The following ADAMTS19 variants were observed in gnomAD, a reference collection of about 807,000 sequenced individuals.
ADAMTS19 encodes the protein A disintegrin and metalloproteinase with thrombospondin motifs 19.
Under a neutral mutation model 153.3 loss-of-function variants are expected in ADAMTS19, and 93 were observed. The ratio of observed to expected loss-of-function variants is 0.61; its 90% CI spans 0.51 to 0.72. ADAMTS19 has a LOEUF of 0.72. Ranked by LOEUF, ADAMTS19 falls within the 30% of genes least tolerant of loss-of-function variation. ADAMTS19 has a pLI of 0.00. For synonymous variants in ADAMTS19, 600 were observed against 556.6 expected (o/e 1.08, Z -1.10); for missense variants, 1,482 against 1,552.1 (o/e 0.95, Z 0.76).
intron 19 of ADAMTS19, among the ~76,000 whole-genome samples, chr5:129,695,681 G>T (rs1284008780): frequency 6.6e-6 from 1 of 152,166 alleles, no homozygotes; most frequent in Non-Finnish European, 1.5e-5. Flanking sequence ...CTCAGCCCTG[G>T]TGTCCAAAAT....
chr5:129,615,225 C>T (rs1467883879), intron 8 of ADAMTS19, among the ~76,000 whole-genome samples: 1 of 151,964 alleles, frequency 6.6e-6, no homozygotes, highest in Admixed American at 6.6e-5. Flanking sequence ...GCCCACATTG[C>T]CAAGACAACC....
chr5:129,637,607 G>A (rs1752588963), intron 10 of ADAMTS19, among the ~76,000 whole-genome samples: 1 of 152,126 alleles, frequency 6.6e-6, no homozygotes, highest in Non-Finnish European at 1.5e-5. Context: ...CACTTTAGGA[G>A]GCCGATGCGG....
At chr5:129,477,122 G>A (rs1178714715) in intron 2 of ADAMTS19, among the ~76,000 whole-genome samples, 1 of 152,028 alleles carries the variant, frequency 6.6e-6, no homozygotes, top group East Asian at 1.9e-4. Flanking sequence ...TTGACTGTAG[G>A]TGAAGATTAA....
At chr5:129,505,609 C>T (rs1276003740) in intron 2 of ADAMTS19, among the ~76,000 whole-genome samples, 2 of 151,724 alleles carry the variant, frequency 1.3e-5, no homozygotes, top group South Asian at 2.1e-4. Flanking sequence ...TAAAAAGCAC[C>T]GAGCCACATA....
chr5:129,573,686 A>G (rs571431792), intron 7 of ADAMTS19, among the ~76,000 whole-genome samples: 2 of 152,208 alleles, frequency 1.3e-5, no homozygotes, highest in Admixed American at 1.3e-4. Context: ...GCCAAAACCT[A>G]AATTGGACAC....
rs1268682863 is a variant in ADAMTS19 at position 129,461,367 on chromosome 5, G to A, written c.357G>A (p.Glu119=). 6 of 1,346,694 alleles carry A rather than the reference G, an allele frequency of 4.5e-6. No homozygotes were observed. The highest frequency in any genetic ancestry group is 3.1e-5 in the African/African-American group (2 of 64,872). 83.4% of individuals were successfully genotyped at this position (1,346,694 alleles called of 1,614,324 possible). The change falls in exon 2 of 23, where the codon GAG becomes GAA. Residue 119 remains glutamate (E), a synonymous_variant. Coordinates refer to ENST00000274487, the MANE Select transcript of ADAMTS19 (RefSeq NM_133638.6). The surrounding 1 kb of genome is among the most constrained non-coding windows in gnomAD (Gnocchi z 4.6). Reference sequence around the variant, plus strand: ...CCCCGCCGCCGTCGGAGGGTGAGGAGGACGAGGAGCTCGAGTCGCAGGAGC... The same window carrying A: ...CCCCGCCGCCGTCGGAGGGTGAGGAAGACGAGGAGCTCGAGTCGCAGGAGC... The part of the protein sequence containing the change: ...LRPPPPSEGE[E]DEELESQELP...
intron 22 of ADAMTS19, among the ~76,000 whole-genome samples, chr5:129,736,171 G>A (rs62400986): frequency 1.3e-5 from 2 of 151,952 alleles, no homozygotes; most frequent in Non-Finnish European, 2.9e-5. Flanking sequence ...TTCAATAGCA[G>A]TATAATTCCT....
intron 11 of ADAMTS19, among the ~76,000 whole-genome samples, chr5:129,645,375 T>C (rs1753015720): frequency 1.3e-5 from 2 of 152,164 alleles, no homozygotes; most frequent in African/African-American, 4.8e-5. Flanking sequence ...TGTATAATAG[T>C]TTAAACAAAA....
At chr5:129,582,485 T>A (rs1749563293) in intron 7 of ADAMTS19, among the ~76,000 whole-genome samples, 1 of 152,110 alleles carries the variant, frequency 6.6e-6, no homozygotes, top group South Asian at 2.1e-4. Context: ...CCTATGTGTG[T>A]CTTTGCATGT....
rs1202434224 is a variant in ADAMTS19, at chr5:129,578,079, CAT to C, written c.1373-18474_1373-18473del. 8.0e-4 allele frequency among the ~76,000 whole-genome samples: 71 copies of C among 88,486 alleles called. 5 individuals are homozygous for C. The highest frequency in any genetic ancestry group is 5.3e-3 in the Admixed American group (44 of 8,276). The allele number at this position is 88,486 out of a possible 152,430, so 58.1% of individuals were successfully genotyped here. ...ACACACACACACACACACACACACA[CAT>C]ATATACATATACATACATATACATA... On this transcript the variant is annotated intron_variant, in intron 7 of 22. Transcript: ENST00000274487.
At position 129,610,764 on chromosome 5, in the gene ADAMTS19, C is replaced by G. The variant is rs189773606; in HGVS notation, c.1479-9854C>G. The stretch of plus-strand genomic sequence containing the variant: ...GCAATAAACATACGTGTGCATGTGT[C>G]TTTATAGCAGCATGATTTATAATCC... On this transcript the variant is annotated intron_variant, in intron 8 of 22. Transcript: ENST00000274487. 2.2e-3 allele frequency among the ~76,000 whole-genome samples: 335 copies of G among 152,226 alleles called. 2 individuals carry two copies. The highest frequency in any genetic ancestry group is 5.6e-3 in the Admixed American group (86 of 15,284).
At chr5:129,702,934 AAAAAAAAATATATAT>A (rs55881643) in intron 20 of ADAMTS19, among the ~76,000 whole-genome samples, 67,217 of 122,832 alleles carry the variant, frequency 0.55, 19,080 homozygotes, top group Non-Finnish European at 0.62. Flanking sequence ...CTTGCCAAAA[AAAAAAAAATATATAT>A]ATATATATAT....
chr5:129,593,113 A>C (rs1339473975), intron 7 of ADAMTS19, among the ~76,000 whole-genome samples: 1 of 152,068 alleles, frequency 6.6e-6, no homozygotes, highest in Non-Finnish European at 1.5e-5. Context: ...CCCCTGTATC[A>C]TAGGGCTGGA....
At chr5:129,703,506 G>A (rs909657372) in intron 20 of ADAMTS19, among the ~76,000 whole-genome samples, 1 of 152,176 alleles carries the variant, frequency 6.6e-6, no homozygotes, top group East Asian at 1.9e-4. Context: ...GCCAAGGTGG[G>A]TGGACCACTT....
rs539645734 is a variant in ADAMTS19 at position 129,646,342 on chromosome 5, T to C, written c.1873-1423T>C. 7.9e-5 allele frequency among the ~76,000 whole-genome samples: 12 copies of C among 152,304 alleles called. No individual in the cohort carries two copies. The South Asian group carries it at 2.1e-3, about 26-fold the overall frequency. ...GAATCTAAAAGAGGTTGAATTTAAA[T>C]GTTGACATTATTAGAGAAAATCTAC... On this transcript the variant is annotated intron_variant, in intron 11 of 22. Transcript: ENST00000274487.
chr5:129,723,229 T>G (rs899207525), intron 21 of ADAMTS19, among the ~76,000 whole-genome samples: 1 of 152,206 alleles, frequency 6.6e-6, no homozygotes, highest in African/African-American at 2.4e-5. Context: ...TCTACACTTC[T>G]GTAAACTTGA....
intron 21 of ADAMTS19, among the ~76,000 whole-genome samples, chr5:129,719,194 C>T (rs1278171204): frequency 6.6e-6 from 1 of 152,064 alleles, no homozygotes; most frequent in East Asian, 1.9e-4. Context: ...TTTTCTGCCT[C>T]CTCTTTGGTA....
In ADAMTS19 at chr5:129,738,333, C is replaced by T. The variant is rs1404241495; in HGVS notation, c.*1115C>T. The T allele has an allele frequency of 6.6e-6, 1 of 151,910 alleles. No homozygotes were observed. The highest frequency in any genetic ancestry group is 1.9e-4 in the East Asian group (1 of 5,164). The allele number at this position is 151,910 out of a possible 1,614,324, so 9.4% of individuals were successfully genotyped here. ...TTTCAATAAAATATGTAAAACTTCCCACTGAGAGACAATTCTTCATAGACT... is the reference window on the plus strand; with the variant it reads ...TTTCAATAAAATATGTAAAACTTCCTACTGAGAGACAATTCTTCATAGACT... On this transcript the variant is annotated 3_prime_UTR_variant, in exon 23 of 23. Transcript: ENST00000274487.
At chr5:129,516,888 C>CTTTTT (rs200576506) in intron 3 of ADAMTS19, among the ~76,000 whole-genome samples, 1 of 105,712 alleles carries the variant, frequency 9.5e-6, no homozygotes, top group African/African-American at 3.5e-5. Flanking sequence ...GAGATTTTTC[C>CTTTTT]TTTTTTTTTT....
Sources: allele counts gnomAD v4.1 joint callset (sites outside exome capture counted in the v4.1 genomes callset), GRCh38; gene constraint gnomAD v4.1.1; non-coding constraint Gnocchi (gnomAD v3.1); transcripts MANE v1.5; gene names NCBI Gene and HGNC (gene_info 2026-07-23, HGNC 2026-07-21).